PDE4DIP: variants seen among roughly 807,000 people sequenced by gnomAD.
PDE4DIP encodes phosphodiesterase 4D interacting protein.
PDE4DIP carries 59 observed loss-of-function variants against 221.4 expected under a neutral mutation model. The ratio of observed to expected loss-of-function variants is 0.27; its 90% CI spans 0.22 to 0.33. The LOEUF is 0.33. PDE4DIP is among the 10% of genes least tolerant of loss of function. The pLI, the probability that PDE4DIP is intolerant of heterozygous loss-of-function variation, is 1.00. For synonymous variants in PDE4DIP, 404 were observed against 815.9 expected (o/e 0.50, Z 8.60); for missense variants, 1,036 against 2,154.2 (o/e 0.48, Z 10.28).
chr1:149,023,777 T>C (rs111205461), intron 37 of PDE4DIP, among the ~76,000 whole-genome samples: 2 of 80,444 alleles, frequency 2.5e-5, no homozygotes, highest in Non-Finnish European at 5.1e-5. Flanking sequence ...TGTATATGTG[T>C]GTACATATAT....
At chr1:148,821,346 C>T (rs1263531451) in intron 1 of PDE4DIP, among the ~76,000 whole-genome samples, 1 of 149,244 alleles carries the variant, frequency 6.7e-6, no homozygotes, top group African/African-American at 2.5e-5. Context: ...GGAGTCTGTT[C>T]ACTGATCTTT....
At chr1:148,930,489 C>G (rs2047686176) in intron 2 of PDE4DIP, 1 of 151,062 alleles carries the variant, frequency 6.6e-6, no homozygotes, top group Non-Finnish European at 1.5e-5. Context: ...TGCACTCCAG[C>G]CTGGGCGACA....
chr1:148,951,891 T>C (rs1403274244), intron 5 of PDE4DIP: 1 of 262,930 alleles, frequency 3.8e-6, no homozygotes. Context: ...GCCCCGCCCC[T>C]CCGTTACCAA....
At position 149,030,384 on chromosome 1, in the gene PDE4DIP, G is replaced by A. The variant is rs1247726258; in HGVS notation, c.6999+106G>A. 1.1e-5 allele frequency: 17 copies of A among 1,534,136 alleles called. No individual in the cohort carries two copies. In the South Asian group the frequency reaches 1.1e-4, roughly 10 times the overall value. ...CCCTTGGCCTGCTTTGGCCTTCCAG[G>A]AGAAGACTTGGGGTCCACTTGCAAG... On this transcript the variant is annotated intron_variant, in intron 43 of 43. Coordinates refer to ENST00000369354, the Ensembl canonical transcript of PDE4DIP.
chr1:149,030,561 C>G (rs1473884025), intron 43 of PDE4DIP: 8 of 862,590 alleles, frequency 9.3e-6, no homozygotes, highest in Admixed American at 6.2e-5. Flanking sequence ...AGTTCAGAGA[C>G]TGGAGAAATG....
chr1:148,992,571 A>G, intron 22 of PDE4DIP: 1 of 915,576 alleles, frequency 1.1e-6, no homozygotes, highest in Non-Finnish European at 1.4e-6. Flanking sequence ...TGAGGCTGAA[A>G]CATTGCTTCC....
rs1315046908 is a variant in PDE4DIP at position 148,979,627 on chromosome 1, C to T, written c.2575-110C>T. On this transcript the variant is annotated intron_variant, in intron 19 of 43. Coordinates refer to ENST00000369354, the Ensembl canonical transcript of PDE4DIP. The stretch of plus-strand genomic sequence containing the variant: ...TAAAATAGTATCAAAAGCTTAAGTA[C>T]TAAGATAGTGGGCTTTTTAAGTCAT... The T allele has an allele frequency of 3.3e-6, 3 of 913,366 alleles. No homozygotes were observed. In the African/African-American group the frequency reaches 5.0e-5, roughly 15 times the overall value. The allele number at this position is 913,366 out of a possible 1,614,324, so 56.6% of individuals were successfully genotyped here.
At chr1:148,940,894 T>C (rs2050379286) in intron 5 of PDE4DIP, among the ~76,000 whole-genome samples, 1 of 152,160 alleles carries the variant, frequency 6.6e-6, no homozygotes, top group Non-Finnish European at 1.5e-5. Flanking sequence ...TATAAAGTTC[T>C]AGGTTCAGAT....
intron 1 of PDE4DIP, among the ~76,000 whole-genome samples, chr1:148,828,671 C>A (rs1439020064): frequency 2.6e-5 from 4 of 151,090 alleles, no homozygotes; most frequent in African/African-American, 9.7e-5. Context: ...CTATTCCAAC[C>A]CCCTTTCCAG....
chr1:148,917,122 G>A (rs587615533), intron 1 of PDE4DIP, among the ~76,000 whole-genome samples: 65 of 150,246 alleles, frequency 4.3e-4, no homozygotes, highest in African/African-American at 1.2e-3. Context: ...GGAGAGAATC[G>A]CTGAGATCAT....
chr1:148,844,432 GTGT>G, intron 1 of PDE4DIP: 1 of 221,490 alleles, frequency 4.5e-6, no homozygotes, highest in East Asian at 1.3e-4. Context: ...CCAGCCAGTC[GTGT>G]CTCAGCCTGG....
At chr1:148,964,336 G>A (rs1451128107) in intron 9 of PDE4DIP, among the ~76,000 whole-genome samples, 2 of 151,756 alleles carry the variant, frequency 1.3e-5, no homozygotes, top group African/African-American at 4.8e-5. Flanking sequence ...TCAAACTCCC[G>A]ACCTCTGGTG....
At chr1:148,934,673 G>A (rs774191213) in intron 4 of PDE4DIP, among the ~76,000 whole-genome samples, 180 of 152,068 alleles carry the variant, frequency 1.2e-3, no homozygotes, top group South Asian at 8.4e-4. Context: ...GCAAGATCTC[G>A]GCTCACTGCA....
At chr1:148,917,417 T>G (rs375598276) in intron 1 of PDE4DIP, among the ~76,000 whole-genome samples, 46 of 146,466 alleles carry the variant, frequency 3.1e-4, no homozygotes, top group East Asian at 1.6e-3. Context: ...TTATTTTTTA[T>G]TTTTTAGTTT....
At chr1:148,815,049 G>A (rs782501270) in intron 1 of PDE4DIP, among the ~76,000 whole-genome samples, 31 of 106,896 alleles carry the variant, frequency 2.9e-4, no homozygotes, top group Non-Finnish European at 4.3e-4. Context: ...CTATTTGGTC[G>A]GAGTTAAGTA....
intron 21 of PDE4DIP, among the ~76,000 whole-genome samples, chr1:148,986,654 G>T (rs1307957576): frequency 6.6e-6 from 1 of 151,996 alleles, no homozygotes; most frequent in Admixed American, 6.6e-5. Context: ...TTCTCCTCTC[G>T]AAGAAGTGAG....
intron 26 of PDE4DIP, 71 bp from the exon 30 acceptor site, chr1:149,004,838 T>A: frequency 1.8e-6 from 1 of 547,666 alleles, no homozygotes; most frequent in East Asian, 2.9e-5. Context: ...CAAACCTGCC[T>A]CCTCTCAAAG....
At chr1:148,941,528 C>G (rs1159768425) in intron 5 of PDE4DIP, among the ~76,000 whole-genome samples, 1 of 126,534 alleles carries the variant, frequency 7.9e-6, no homozygotes, top group East Asian at 2.1e-4. Context: ...TCCTAGTTGT[C>G]GTGGAAACTG....
At chr1:148,978,944 T>C (rs1351138545) in intron 19 of PDE4DIP, among the ~76,000 whole-genome samples, 8 of 151,828 alleles carry the variant, frequency 5.3e-5, no homozygotes, top group African/African-American at 7.3e-5. Flanking sequence ...CACATACCAA[T>C]AGTTATCCCT....
Sources: gnomAD v4.1 joint callset for allele counts (sites outside exome capture counted in the v4.1 genomes callset) on GRCh38, gnomAD v4.1.1 for gene constraint, MANE v1.5 for transcripts, NCBI Gene and HGNC (gene_info 2026-07-23, HGNC 2026-07-21) for gene names.